ARHGAP26: variants seen among roughly 807,000 people sequenced by gnomAD.
The protein encoded by ARHGAP26 is rho GTPase-activating protein 26.
In ARHGAP26, 38 loss-of-function variants were observed where a neutral mutation model predicts 104.8. The observed-to-expected ratio is 0.36, with a 90% confidence interval of 0.28 to 0.48. ARHGAP26 has a LOEUF of 0.48. Ranked by LOEUF, ARHGAP26 falls within the 20% of genes least tolerant of loss-of-function variation. The pLI is 0.99. For synonymous variants in ARHGAP26, 341 were observed against 340.0 expected (o/e 1.00, Z -0.03); for missense variants, 704 against 947.9 (o/e 0.74, Z 3.38).
At chr5:143,160,640 C>T (rs6898520) in intron 20 of ARHGAP26, among the ~76,000 whole-genome samples, 3,082 of 152,168 alleles carry the variant, frequency 0.02, 96 homozygotes, top group African/African-American at 0.071. Flanking sequence ...CATGTGCCAC[C>T]ATACCCAGCT....
chr5:143,143,286 C>T (rs1295337193), intron 19 of ARHGAP26, among the ~76,000 whole-genome samples: 3 of 152,118 alleles, frequency 2.0e-5, no homozygotes, highest in Admixed American at 6.6e-5. Context: ...TTCCTGGCCT[C>T]GCCTCTGGGT....
intron 12 of ARHGAP26, among the ~76,000 whole-genome samples, chr5:143,026,799 T>TGGGG (rs1781122246): frequency 4.5e-4 from 1 of 2,224 alleles, no homozygotes; most frequent in Non-Finnish European, 8.9e-4. Flanking sequence ...CGTAGTGGGG[T>TGGGG]GGGTGGGGGT....
At chr5:142,922,421 AGTGT>A (rs3836778) in intron 10 of ARHGAP26, among the ~76,000 whole-genome samples, 11 of 150,480 alleles carry the variant, frequency 7.3e-5, no homozygotes, top group South Asian at 2.1e-4. Context: ...TTGACAGAAG[AGTGT>A]GTGTGTGTGT....
At chr5:143,095,875 T>G (rs928135368) in intron 17 of ARHGAP26, among the ~76,000 whole-genome samples, 1 of 152,366 alleles carries the variant, frequency 6.6e-6, no homozygotes, top group African/African-American at 2.4e-5. Flanking sequence ...CCAGGCCTCA[T>G]ATCTTCTTCT....
intron 1 of ARHGAP26, among the ~76,000 whole-genome samples, chr5:142,833,450 A>C (rs1768925411): frequency 6.6e-6 from 1 of 151,842 alleles, no homozygotes; most frequent in South Asian, 2.1e-4. Context: ...ATATAAGATA[A>C]TTTTCTTACC....
chr5:142,894,366 G>T lies in ARHGAP26; in HGVS notation c.597+18G>T. The stretch of plus-strand genomic sequence containing the variant: ...TGGAGCCTGTAAGTAGATATTCAGG[G>T]TTTAATGATGTACCCATATATTCAT... On this transcript the variant is annotated intron_variant, in intron 6 of 22. Coordinates refer to ENST00000645722, the MANE Select transcript of ARHGAP26 (RefSeq NM_001135608.3). The T allele has an allele frequency of 1.3e-6, 2 of 1,592,982 alleles. No homozygotes were observed. The highest frequency in any genetic ancestry group is 2.2e-5 in the South Asian group (2 of 90,342).
At chr5:142,982,202 C>T (rs1774041712) in intron 11 of ARHGAP26, among the ~76,000 whole-genome samples, 1 of 152,228 alleles carries the variant, frequency 6.6e-6, no homozygotes, top group South Asian at 2.1e-4. Context: ...AGGTGGAAAA[C>T]CCAGCAAGTT....
intron 7 of ARHGAP26, among the ~76,000 whole-genome samples, chr5:142,903,104 G>T (rs1184655433): frequency 6.6e-6 from 1 of 152,098 alleles, no homozygotes; most frequent in Non-Finnish European, 1.5e-5. Context: ...TTGAGTGAAG[G>T]AACTCCCCTT....
chr5:142,927,514 T>TA (rs1481208168), intron 10 of ARHGAP26, among the ~76,000 whole-genome samples: 1 of 152,166 alleles, frequency 6.6e-6, no homozygotes, highest in Non-Finnish European at 1.5e-5. Flanking sequence ...ACTCTTTTTT[T>TA]AAAAAAATTG....
intron 1 of ARHGAP26, among the ~76,000 whole-genome samples, chr5:142,797,851 C>T (rs138304171): frequency 6.7e-4 from 102 of 152,284 alleles, no homozygotes; most frequent in African/African-American, 2.4e-3. Context: ...ATCCAGATTG[C>T]CTGGGGACCT....
At chr5:142,873,534 T>C (rs755287291) in intron 2 of ARHGAP26, 39 bp downstream of exon 2, 9 of 1,395,764 alleles carry the variant, frequency 6.4e-6, no homozygotes, top group Non-Finnish European at 8.7e-6. Context: ...ATGTTCATTG[T>C]TTGTCATAGC....
chr5:143,112,849 C>G (rs931579595), intron 17 of ARHGAP26, among the ~76,000 whole-genome samples: 1 of 152,230 alleles, frequency 6.6e-6, no homozygotes, highest in Non-Finnish European at 1.5e-5. Context: ...TTTTGCTTAT[C>G]TGTTCATCCA....
chr5:142,856,490 G>C (rs1322687409), intron 1 of ARHGAP26, among the ~76,000 whole-genome samples: 1 of 152,126 alleles, frequency 6.6e-6, no homozygotes, highest in African/African-American at 2.4e-5. Context: ...CCTAGGTTTT[G>C]GTAACAATAT....
intron 14 of ARHGAP26, among the ~76,000 whole-genome samples, chr5:143,042,477 T>A (rs891530564): frequency 1.3e-5 from 2 of 152,250 alleles, no homozygotes; most frequent in African/African-American, 4.8e-5. Context: ...TCTCCAAATG[T>A]GCAGTATTTG....
chr5:143,121,087 C>T lies in ARHGAP26; in HGVS notation c.1638C>T (p.Ala546=), dbSNP rs1286975030. ...GGCCTCAGGAAGAAACAGTAGCAGC[C>T]ATCATGGACATCAAATTTCAGAACA... ...LLRPQEETVA[A]IMDIKFQNIV... is the part of the protein sequence containing the mutation. The change falls in exon 18 of 23, where the codon GCC becomes GCT. Residue 546 remains alanine, a synonymous_variant. Coordinates refer to ENST00000645722, the MANE Select transcript of ARHGAP26 (RefSeq NM_001135608.3). 2 of 1,613,428 alleles carry T rather than the reference C, an allele frequency of 1.2e-6. No homozygotes were observed. Among genetic ancestry groups the T allele is most frequent in the East Asian group, 2.2e-5 (1 of 44,882 alleles).
At chr5:142,863,249 T>C (rs1222412300) in intron 1 of ARHGAP26, among the ~76,000 whole-genome samples, 8 of 152,150 alleles carry the variant, frequency 5.3e-5, no homozygotes, top group Admixed American at 3.3e-4. Context: ...TAGCTGTGAT[T>C]ACAGGTGCCC....
At chr5:143,166,807 G>A (rs1599329219) in intron 20 of ARHGAP26, among the ~76,000 whole-genome samples, 2 of 152,194 alleles carry the variant, frequency 1.3e-5, no homozygotes, top group African/African-American at 4.8e-5. Context: ...TTCGAAGACT[G>A]CCAAGTCCAG....
intron 17 of ARHGAP26, among the ~76,000 whole-genome samples, chr5:143,108,140 A>G (rs940478258): frequency 1.3e-5 from 2 of 152,240 alleles, no homozygotes; most frequent in African/African-American, 4.8e-5. Context: ...GCAAGGAGCT[A>G]GGAGGTGTTG....
chr5:142,980,539 C>T (rs1773789610), intron 11 of ARHGAP26, among the ~76,000 whole-genome samples: 2 of 151,934 alleles, frequency 1.3e-5, no homozygotes, highest in Admixed American at 1.3e-4. Context: ...CAGGTGCCCA[C>T]CACCACACCC....
Sources: allele counts gnomAD v4.1 joint callset (sites outside exome capture counted in the v4.1 genomes callset), GRCh38; gene constraint gnomAD v4.1.1; transcripts MANE v1.5; gene names NCBI Gene and HGNC (gene_info 2026-07-23, HGNC 2026-07-21).